The following SATB1 variants were observed in gnomAD, a reference collection of about 807,000 sequenced individuals.
SATB1 encodes the protein DNA-binding protein SATB1.
Under a neutral mutation model 86.9 loss-of-function variants are expected in SATB1, and 11 were observed. That is an observed-to-expected ratio of 0.13 (90% CI 0.08 to 0.21). The LOEUF (loss-of-function observed/expected upper bound fraction) is 0.21. Ranked by LOEUF, SATB1 falls within the 10% of genes least tolerant of loss-of-function variation. The pLI is 1.00. For synonymous variants in SATB1, 357 were observed against 357.2 expected (o/e 1.00, Z 0.01); for missense variants, 551 against 937.6 (o/e 0.59, Z 5.39).
intron 5 of SATB1, among the ~76,000 whole-genome samples, chr3:18,403,540 T>C (rs973569913): frequency 6.6e-6 from 1 of 152,130 alleles, no homozygotes; most frequent in African/African-American, 2.4e-5. Context: ...TTATAATACA[T>C]ATCTGTTATG....
intron 9 of SATB1, among the ~76,000 whole-genome samples, chr3:18,353,414 G>A (rs1241827341): frequency 2.0e-5 from 3 of 151,696 alleles, no homozygotes; most frequent in African/African-American, 7.3e-5. Context: ...TTCTTCCCAG[G>A]GCCCTTACCA....
intron 5 of SATB1, among the ~76,000 whole-genome samples, chr3:18,399,592 C>T (rs575542923): frequency 9.9e-5 from 15 of 152,238 alleles, no homozygotes; most frequent in African/African-American, 3.6e-4. Context: ...ATATGTGCAT[C>T]ATTGTCAAAG....
chr3:18,439,152 G>A (rs531200677), upstream of SATB1, among the ~76,000 whole-genome samples: 65 of 152,236 alleles, frequency 4.3e-4, no homozygotes, highest in African/African-American at 1.4e-3. Context: ...GCAGAAACCA[G>A]GGACATAAAT....
At chr3:18,418,160 A>C (rs901697375) in intron 2 of SATB1, among the ~76,000 whole-genome samples, 1 of 152,186 alleles carries the variant, frequency 6.6e-6, no homozygotes, top group African/African-American at 2.4e-5. Flanking sequence ...CAGGGCACCC[A>C]GGATCCACAA....
intron 8 of SATB1, among the ~76,000 whole-genome samples, chr3:18,378,984 C>G (rs942539027): frequency 1.3e-5 from 2 of 152,100 alleles, no homozygotes; most frequent in African/African-American, 4.8e-5. Context: ...TCCTGGCACC[C>G]CTGTATATAA....
intron 9 of SATB1, among the ~76,000 whole-genome samples, chr3:18,369,153 A>G (rs779534854): frequency 3.7e-5 from 5 of 135,244 alleles, no homozygotes; most frequent in Non-Finnish European, 4.7e-5. Flanking sequence ...TGAAGTAACA[A>G]CTTTGCATTA....
chr3:18,369,340 A>G (rs1196504561), intron 9 of SATB1, among the ~76,000 whole-genome samples: 2 of 152,094 alleles, frequency 1.3e-5, no homozygotes, highest in Admixed American at 1.3e-4. Flanking sequence ...AACTTACAGA[A>G]AAAAAATGAA....
Position 18,386,426 on chromosome 3 carries a change from G to C in SATB1, c.1392C>G (p.Ile464Met). 3 of 1,613,946 alleles carry C rather than the reference G, an allele frequency of 1.9e-6. No individual in the cohort carries two copies. The highest frequency in any genetic ancestry group is 2.2e-5 in the East Asian group (1 of 44,876). The change falls in exon 8 of 11, where the codon ATC becomes ATG. Residue 464 changes from isoleucine (I) to methionine (M), a missense_variant. Physicochemically the swap from Ile to Met is conservative, Grantham distance 10. Transcript: ENST00000338745. This position sits in a 1 kb window ranked among gnomAD's most constrained non-coding sequence, Gnocchi z 4.5. The part of the protein sequence containing the change: ...AASAMGPAPL[I>M]STPPSRPPQV... ...GGGGAGGACGGCTGGGTGGTGTGCT[G>C]ATGAGGGGGGCAGGACCCATGGCCG...
At chr3:18,366,212 A>G (rs1695176179) in intron 9 of SATB1, among the ~76,000 whole-genome samples, 1 of 151,952 alleles carries the variant, frequency 6.6e-6, no homozygotes, top group Non-Finnish European at 1.5e-5. Flanking sequence ...TGCTACAGGT[A>G]CCAATTTATA....
rs114334710 is a variant in SATB1, at chr3:18,411,435, T to C, written c.639+3676A>G. On this transcript the variant is annotated intron_variant, in intron 5 of 10. Coordinates refer to ENST00000338745, the MANE Select transcript of SATB1 (RefSeq NM_002971.6). Reference sequence around the variant, plus strand: ...AATAGCTGACCTTTACTTAACAAAATGAATCTACCCTGTATCAGAATGTAT... The same window carrying C: ...AATAGCTGACCTTTACTTAACAAAACGAATCTACCCTGTATCAGAATGTAT... Among the ~76,000 whole-genome samples, 656 of 152,242 alleles carry C rather than the reference T, an allele frequency of 4.3e-3. 9 individuals are homozygous for C. The highest frequency in any genetic ancestry group is 0.015 in the African/African-American group (620 of 41,556).
intron 5 of SATB1, chr3:18,409,433 C>T (rs937916161): frequency 6.6e-6 from 1 of 151,970 alleles, no homozygotes; most frequent in African/African-American, 2.4e-5. Flanking sequence ...AGACATCTCA[C>T]TAAGTTGAAA....
intron 2 of SATB1, among the ~76,000 whole-genome samples, chr3:18,435,708 C>T (rs994506069): frequency 4.6e-5 from 7 of 151,988 alleles, no homozygotes; most frequent in Non-Finnish European, 7.4e-5. Context: ...ATAAAGCAAG[C>T]CAGTAGTAAT....
chr3:18,377,698 C>T (rs1695833619), intron 9 of SATB1, among the ~76,000 whole-genome samples: 1 of 152,026 alleles, frequency 6.6e-6, no homozygotes, highest in South Asian at 2.1e-4. Context: ...TTAATAGTTG[C>T]AGCCAGCTGA....
chr3:18,440,538 T>C (rs950572442), upstream of SATB1, among the ~76,000 whole-genome samples: 5 of 152,162 alleles, frequency 3.3e-5, no homozygotes, highest in African/African-American at 7.2e-5. Context: ...AAGTAATATT[T>C]TTCCTCTGAT....
chr3:18,427,688 A>G (rs534950188), upstream of SATB1, among the ~76,000 whole-genome samples: 1 of 152,370 alleles, frequency 6.6e-6, no homozygotes, highest in African/African-American at 2.4e-5. Context: ...TTAAATTTGA[A>G]TAGCACCTTT....
At chr3:18,400,711 GCCT>G (rs972431456) in intron 5 of SATB1, among the ~76,000 whole-genome samples, 4 of 152,044 alleles carry the variant, frequency 2.6e-5, no homozygotes, top group Non-Finnish European at 4.4e-5. Context: ...ACAATCCTTT[GCCT>G]CCTCCTCATC....
intron 9 of SATB1, among the ~76,000 whole-genome samples, chr3:18,357,833 A>C (rs1410156860): frequency 6.6e-6 from 1 of 151,872 alleles, no homozygotes; most frequent in Non-Finnish European, 1.5e-5. Context: ...GGTACTATTT[A>C]AATATATATA....
intron 2 of SATB1, among the ~76,000 whole-genome samples, chr3:18,433,950 T>G (rs1698975230): frequency 6.6e-6 from 1 of 152,092 alleles, no homozygotes; most frequent in African/African-American, 2.4e-5. Context: ...TCATTTATTT[T>G]TATTTATTTT....
chr3:18,387,771 C>T (rs932657616), intron 7 of SATB1, among the ~76,000 whole-genome samples: 1 of 152,050 alleles, frequency 6.6e-6, no homozygotes, highest in Non-Finnish European at 1.5e-5. Context: ...CAATATCCTG[C>T]AGAAACAGTT....
Sources: gnomAD v4.1 joint callset for allele counts (sites outside exome capture counted in the v4.1 genomes callset) on GRCh38, gnomAD v4.1.1 for gene constraint, Gnocchi (gnomAD v3.1) non-coding constraint, MANE v1.5 for transcripts, NCBI Gene and HGNC (gene_info 2026-07-23, HGNC 2026-07-21) for gene names.